Variants in UROD observed in about 807,000 individuals in gnomAD.
UROD encodes the protein uroporphyrinogen decarboxylase.
Under a neutral mutation model 47.1 loss-of-function variants are expected in UROD, and 34 were observed. That is an observed-to-expected ratio of 0.72 (90% CI 0.55 to 0.96). The LOEUF (loss-of-function observed/expected upper bound fraction) is 0.96, where lower values mean the gene tolerates loss of function less well. UROD is among the 40% of genes least tolerant of loss of function. UROD has a pLI of 0.00. For missense variants in UROD, 381 were observed against 471.8 expected, an observed-to-expected ratio of 0.81 and a Z score of 1.78; for synonymous variants, 148 against 175.8, an observed-to-expected ratio of 0.84 and a Z score of 1.25.
chr1:45,015,280 T>C (rs1644842210), intron 9 of UROD, 57 bp from the exon 10 acceptor site: 4 of 1,606,210 alleles, frequency 2.5e-6, no homozygotes, highest in Non-Finnish European at 3.4e-6. Flanking sequence ...CTAGTATATA[T>C]AGGGAGGACA....
At chr1:45,012,643 C>A in intron 1 of UROD, 1 of 674,302 alleles carries the variant, frequency 1.5e-6, no homozygotes, top group Non-Finnish European at 2.5e-6. Flanking sequence ...GCCTTCATTC[C>A]CTCCCCCCAG....
chr1:45,012,830 G>C (rs1297112229), intron 1 of UROD, 77 bp from the exon 2 acceptor site: 3 of 1,587,630 alleles, frequency 1.9e-6, no homozygotes, highest in Non-Finnish European at 2.6e-6. Flanking sequence ...GGACTGAATC[G>C]GCCTTATGAA....
At chr1:45,014,711 T>C in intron 7 of UROD, 25 bp from the exon 8 acceptor site, 1 of 1,614,088 alleles carries the variant, frequency 6.2e-7, no homozygotes, top group Non-Finnish European at 8.5e-7. Flanking sequence ...AGGCCCTCTG[T>C]AGCCTGAGAT....
intron 1 of UROD, chr1:45,012,680 G>A: frequency 1.2e-6 from 1 of 851,938 alleles, no homozygotes; most frequent in Admixed American, 2.8e-5. Flanking sequence ...GAGCTTGGAA[G>A]AGTAGAGACT....
Position 45,014,242 on chromosome 1 carries a change from A to G in UROD, c.636+172A>G. ...ATCCTGACACTGACAGTGGGGCTTA[A>G]TGCTCTAAGTATTCAGACACCAAAG... is the stretch of plus-strand genomic sequence containing the variant. On this transcript the variant is annotated intron_variant, in intron 6 of 9. Coordinates refer to ENST00000246337, the MANE Select transcript of UROD (RefSeq NM_000374.5). 3 of 1,290,362 alleles carry G rather than the reference A, an allele frequency of 2.3e-6. No homozygotes were observed. The South Asian group carries it at 3.6e-5, about 16-fold the overall frequency. The allele number at this position is 1,290,362 out of a possible 1,614,324, so 79.9% of individuals were successfully genotyped here.
In UROD at chr1:45,015,304, C is replaced by T. The variant is rs771072365; in HGVS notation, c.943-33C>T. On this transcript the variant is annotated intron_variant, in intron 9 of 9. Coordinates refer to ENST00000246337, the MANE Select transcript of UROD (RefSeq NM_000374.5). ...ATAGGGAGGACAAAGGCTTGCTGGT[C>T]CTCCTGTAGCCAGTGCCCTGTTGGT... 1.9e-6 allele frequency: 3 copies of T among 1,612,574 alleles called. No individual in the cohort carries two copies. The South Asian group carries it at 3.3e-5, about 18-fold the overall frequency.
At chr1:45,012,693 G>A in intron 1 of UROD, 2 of 951,278 alleles carry the variant, frequency 2.1e-6, no homozygotes, top group South Asian at 1.7e-5. Context: ...TAGAGACTAA[G>A]TGGAGGGAAG....
chr1:45,014,709 T>C (rs202001968), intron 7 of UROD, 27 bp from the exon 8 acceptor site: 1 of 1,614,080 alleles, frequency 6.2e-7, no homozygotes, highest in Non-Finnish European at 8.5e-7. Context: ...CAAGGCCCTC[T>C]GTAGCCTGAG....
rs1472124819 is a variant in UROD, at chr1:45,013,049, A to G, written c.133+30A>G. 6.2e-7 allele frequency: 1 copy of G among 1,614,128 alleles called. No homozygotes were observed. Among genetic ancestry groups the G allele is most frequent in the Admixed American group, 1.7e-5 (1 of 60,016 alleles). ...GAGTCAGGGTCTGGAAATCTAGATA[A>G]AACTCCGGAGGGAGAAAAGTTTTCG... On this transcript the variant is annotated intron_variant, in intron 2 of 9. Coordinates refer to ENST00000246337, the MANE Select transcript of UROD (RefSeq NM_000374.5). This position sits in a 1 kb window ranked among gnomAD's most constrained non-coding sequence, Gnocchi z 4.2.
chr1:45,012,715 C>G, intron 1 of UROD, 192 bp from the exon 2 acceptor site: 1 of 1,178,688 alleles, frequency 8.5e-7, no homozygotes, highest in East Asian at 2.6e-5. Context: ...GGCCCCAGGG[C>G]GGGCCCTTCT....
Position 45,013,166 on chromosome 1 carries a change from T to C in UROD, c.164T>C (p.Phe55Ser), listed in dbSNP as rs2148982309. The change falls in exon 3 of 10, where the codon TTT becomes TCT. Residue 55 changes from phenylalanine (F) to serine (S), a missense_variant. By Grantham distance (155) the Phe-to-Ser change is radical. Coordinates refer to ENST00000246337, the MANE Select transcript of UROD (RefSeq NM_000374.5). The surrounding 1 kb of genome is among the most constrained non-coding windows in gnomAD (Gnocchi z 4.2). ...EFRETRAAQD[F>S]FSTCRSPEAC... ...AGGGAAACCCGGGCTGCCCAGGACT[T>C]TTTCAGCACGTGTCGCTCTCCTGAG... 1.9e-6 allele frequency: 3 copies of C among 1,614,118 alleles called. No individual in the cohort carries two copies. The East Asian group carries it at 6.7e-5, about 36-fold the overall frequency.
intron 1 of UROD, 162 bp from the exon 2 acceptor site, chr1:45,012,745 A>T: frequency 6.8e-7 from 1 of 1,461,360 alleles, no homozygotes. Context: ...GCACCACCTG[A>T]TAGGCAGAGA....
chr1:45,012,703 G>T, intron 1 of UROD: 1 of 1,042,208 alleles, frequency 9.6e-7, no homozygotes, highest in East Asian at 2.6e-5. Context: ...GTGGAGGGAA[G>T]AGGCCCCAGG....
In UROD at chr1:45,013,281, G is replaced by GT; in HGVS notation, c.214-8dup. On this transcript the variant is annotated splice_polypyrimidine_tract_variant and intron_variant, in intron 3 of 9. Coordinates refer to ENST00000246337, the MANE Select transcript of UROD (RefSeq NM_000374.5). The surrounding 1 kb of genome is among the most constrained non-coding windows in gnomAD (Gnocchi z 4.2). The stretch of plus-strand genomic sequence containing the variant: ...TCTGCCACCTAGCAACCTGTCTCCT[G>GT]TTTCCTACAGCCACTGCGTCGCTTC... 1 of 1,614,140 alleles carries GT rather than the reference G, an allele frequency of 6.2e-7. No individual in the cohort carries two copies. Among genetic ancestry groups the GT allele is most frequent in the Non-Finnish European group, 8.5e-7 (1 of 1,180,020 alleles).
chr1:45,012,430 C>T, intron 1 of UROD, 145 bp downstream of exon 1: 1 of 1,220,702 alleles, frequency 8.2e-7, no homozygotes, highest in Non-Finnish European at 1.2e-6. Flanking sequence ...AATCCTAAAA[C>T]CATGGATTTT....
Position 45,015,395 on chromosome 1 carries a change from T to C in UROD, c.1001T>C (p.Ile334Thr). ...GATGACTTTGGACCACATCGCTACA[T>C]TGCCAACCTGGGCCATGGGCTTTAT... The part of the protein sequence containing the change: ...MLDDFGPHRY[I>T]ANLGHGLYPD... The change falls in exon 10 of 10, where the codon ATT becomes ACT. Residue 334 changes from isoleucine (I) to threonine (T), a missense_variant. Physicochemically the swap from Ile to Thr is moderately conservative, Grantham distance 89. Coordinates refer to ENST00000246337, the MANE Select transcript of UROD (RefSeq NM_000374.5). 22 of 1,614,216 alleles carry C rather than the reference T, an allele frequency of 1.4e-5. No homozygotes were observed. Among genetic ancestry groups the C allele is most frequent in the Non-Finnish European group, 1.7e-5 (20 of 1,180,046 alleles).
chr1:45,012,823 C>G, intron 1 of UROD, 84 bp from the exon 2 acceptor site: 1 of 1,578,932 alleles, frequency 6.3e-7, no homozygotes, highest in Non-Finnish European at 8.6e-7. Flanking sequence ...CGGTCCTGGA[C>G]TGAATCGGCC....
chr1:45,013,483 A>G lies in UROD; in HGVS notation c.277-111A>G. 1 of 1,604,478 alleles carries G rather than the reference A, an allele frequency of 6.2e-7. No homozygotes were observed. On this transcript the variant is annotated intron_variant, in intron 4 of 9. Coordinates refer to ENST00000246337, the MANE Select transcript of UROD (RefSeq NM_000374.5). This position sits in a 1 kb window ranked among gnomAD's most constrained non-coding sequence, Gnocchi z 4.2. ...GAGGGAAAAACTAAGGTTGAAAGAA[A>G]TGGAGTTTGGCAGAGTTTTATTCTC...
In UROD at chr1:45,013,973, G is replaced by A; in HGVS notation, c.539G>A (p.Trp180Ter). The stretch of plus-strand genomic sequence containing the variant: ...AGCACCATGGCTCAGGCCAAGCGCT[G>A]GCTCTATCAGAGACCTCAGGCTAGT... ...GSSTMAQAKR[W>*]LYQRPQASHQ... is the part of the protein sequence containing the mutation. Residue 180 changes from tryptophan (W) to a stop codon, truncating the protein, a stop_gained, in exon 6 of 10, where the codon TGG (tryptophan) becomes TAG (stop). Coordinates refer to ENST00000246337, the MANE Select transcript of UROD (RefSeq NM_000374.5). LOFTEE classifies it high-confidence loss of function. This position sits in a 1 kb window ranked among gnomAD's most constrained non-coding sequence, Gnocchi z 4.2. The A allele has an allele frequency of 6.2e-7, 1 of 1,614,256 alleles. No individual in the cohort carries two copies. Among genetic ancestry groups the A allele is most frequent in the African/African-American group, 1.3e-5 (1 of 75,058 alleles).
Sources: gnomAD v4.1 joint callset for allele counts on GRCh38, gnomAD v4.1.1 for gene constraint, Gnocchi (gnomAD v3.1) non-coding constraint, MANE v1.5 for transcripts, NCBI Gene and HGNC (gene_info 2026-07-23, HGNC 2026-07-21) for gene names.